PID1: variants seen among roughly 807,000 people sequenced by gnomAD.
The protein encoded by PID1 is phosphotyrosine interaction domain containing 1, also known as PTB-containing, cubilin and LRP1-interacting protein.
Under a neutral mutation model 19.1 loss-of-function variants are expected in PID1, and 10 were observed. That is an observed-to-expected ratio of 0.52 (90% CI 0.32 to 0.89). PID1 has a LOEUF of 0.89. Ranked by LOEUF, PID1 falls within the 40% of genes least tolerant of loss-of-function variation. The pLI is 0.03. For missense variants in PID1, 248 were observed against 285.3 expected (o/e 0.87, Z 0.94); for synonymous variants, 130 against 116.0 (o/e 1.12, Z -0.78).
chr2:229,206,657 C>T (rs1277136436), intron 1 of PID1, among the ~76,000 whole-genome samples: 3 of 152,164 alleles, frequency 2.0e-5, no homozygotes, highest in South Asian at 2.1e-4. Context: ...TCCACGAAAG[C>T]GACCAACTCA....
chr2:229,221,148 C>T (rs1487049589), intron 1 of PID1, among the ~76,000 whole-genome samples: 2 of 152,088 alleles, frequency 1.3e-5, no homozygotes, highest in East Asian at 3.9e-4. Flanking sequence ...AGTAGGGTGG[C>T]CAACTTGTCT....
chr2:229,255,722 T>C (rs1197203595), intron 1 of PID1, among the ~76,000 whole-genome samples: 6 of 152,146 alleles, frequency 3.9e-5, no homozygotes, highest in Non-Finnish European at 8.8e-5. Context: ...GGGATCTGCA[T>C]TTAGTTAAAA....
chr2:229,130,107 C>T (rs2106166873), intron 2 of PID1, among the ~76,000 whole-genome samples: 1 of 152,344 alleles, frequency 6.6e-6, no homozygotes, highest in Non-Finnish European at 1.5e-5. Flanking sequence ...TTTTACTGAA[C>T]AGCGTTAAAA....
chr2:229,060,699 T>G (rs1334938815), intron 2 of PID1, among the ~76,000 whole-genome samples: 1 of 152,108 alleles, frequency 6.6e-6, no homozygotes, highest in Non-Finnish European at 1.5e-5. Context: ...TCTATACAGT[T>G]TTCCATAATA....
chr2:229,271,260 T>C lies in PID1; in HGVS notation c.-217A>G, dbSNP rs1690732218. The C allele has an allele frequency of 7.2e-6, 3 of 414,694 alleles. No individual in the cohort carries two copies. Among genetic ancestry groups the C allele is most frequent in the Admixed American group, 9.4e-5 (2 of 21,360 alleles). 25.7% of individuals were successfully genotyped at this position (414,694 alleles called of 1,614,324 possible). ...CTTGTGGGCACGGCCGCGCGCCGGC[T>C]GTCCTGGCGCAGCTGCGAGAGGACT... On this transcript the variant is annotated 5_prime_UTR_variant, in exon 1 of 3. Transcript: ENST00000392055.
chr2:229,128,460 T>C (rs1048914832), intron 2 of PID1, among the ~76,000 whole-genome samples: 8 of 152,182 alleles, frequency 5.3e-5, no homozygotes, highest in African/African-American at 1.9e-4. Flanking sequence ...CAAATGGACT[T>C]ATTTATGACT....
intron 1 of PID1, among the ~76,000 whole-genome samples, 196 bp downstream of exon 1, chr2:229,270,818 G>A (rs1690715532): frequency 6.6e-6 from 1 of 152,166 alleles, no homozygotes; most frequent in African/African-American, 2.4e-5. Context: ...GAACCCGTGC[G>A]TTTATCAATT....
At chr2:229,069,143 T>TTTTTGTG (rs369977117) in intron 2 of PID1, among the ~76,000 whole-genome samples, 4 of 140,630 alleles carry the variant, frequency 2.8e-5, no homozygotes, top group African/African-American at 1.1e-4. Flanking sequence ...AGAAGGGTTT[T>TTTTTGTG]TGTGTGTGTG....
rs373204888 is a variant in PID1 at position 229,069,349 on chromosome 2, A to G, written c.178-43241T>C. 1.6e-3 allele frequency among the ~76,000 whole-genome samples: 244 copies of G among 152,186 alleles called. 13 individuals are homozygous for G. In the South Asian group the frequency reaches 0.048, roughly 30 times the overall value. On this transcript the variant is annotated intron_variant, in intron 2 of 2. Coordinates refer to ENST00000392055, the MANE Select transcript of PID1 (RefSeq NM_001100818.2). Reference sequence around the variant, plus strand: ...AGATTTGAACTTTAGACAGTAAGGGAGAGAGGCGCCAGGCACAGTGGAGGG... The same window carrying G: ...AGATTTGAACTTTAGACAGTAAGGGGGAGAGGCGCCAGGCACAGTGGAGGG...
intron 2 of PID1, among the ~76,000 whole-genome samples, chr2:229,123,198 C>T (rs1314720916): frequency 6.6e-6 from 1 of 152,216 alleles, no homozygotes; most frequent in East Asian, 1.9e-4. Context: ...CCACTCCAGC[C>T]TAAGGCAACC....
intron 2 of PID1, among the ~76,000 whole-genome samples, chr2:229,051,386 G>A (rs958953610): frequency 2.6e-5 from 4 of 152,134 alleles, no homozygotes; most frequent in Non-Finnish European, 5.9e-5. Context: ...TGCCCCGGCT[G>A]TAGTGCAGTG....
At chr2:229,232,839 A>ATG (rs1286670523) in intron 1 of PID1, among the ~76,000 whole-genome samples, 1 of 147,030 alleles carries the variant, frequency 6.8e-6, no homozygotes, top group African/African-American at 2.5e-5. Flanking sequence ...ATGCATGTGT[A>ATG]TGTGTGTGTG....
intron 1 of PID1, among the ~76,000 whole-genome samples, chr2:229,266,736 T>C (rs1259419712): frequency 3.3e-5 from 5 of 152,194 alleles, no homozygotes; most frequent in Admixed American, 1.3e-4. Flanking sequence ...CTCTCTAAAA[T>C]GCGGATAAAA....
intron 1 of PID1, among the ~76,000 whole-genome samples, chr2:229,211,803 T>C (rs1325856701): frequency 6.6e-6 from 1 of 152,254 alleles, no homozygotes; most frequent in Non-Finnish European, 1.5e-5. Context: ...AACACAGCTA[T>C]ACACATCCCT....
chr2:229,237,740 C>T (rs1316089272), intron 1 of PID1, among the ~76,000 whole-genome samples: 1 of 152,052 alleles, frequency 6.6e-6, no homozygotes, highest in South Asian at 2.1e-4. Context: ...GTCCTTTACC[C>T]GCCCCATACA....
intron 2 of PID1, among the ~76,000 whole-genome samples, chr2:229,045,280 T>G (rs1300463863): frequency 6.6e-6 from 1 of 152,166 alleles, no homozygotes; most frequent in Admixed American, 6.5e-5. Flanking sequence ...ATGTGGAGAG[T>G]TTATTTTTCT....
At chr2:229,043,069 G>A (rs1159536419) in intron 2 of PID1, among the ~76,000 whole-genome samples, 6 of 151,320 alleles carry the variant, frequency 4.0e-5, no homozygotes, top group East Asian at 1.9e-4. Flanking sequence ...GCAGTGGAGC[G>A]ATCTTGGATC....
intron 1 of PID1, among the ~76,000 whole-genome samples, chr2:229,199,351 G>C (rs1691443056): frequency 6.6e-6 from 1 of 151,748 alleles, no homozygotes; most frequent in Non-Finnish European, 1.5e-5. Context: ...ATTTTTGTTG[G>C]TATATTTATT....
intron 2 of PID1, among the ~76,000 whole-genome samples, chr2:229,142,476 G>C (rs1165342091): frequency 1.3e-5 from 2 of 152,078 alleles, no homozygotes; most frequent in Non-Finnish European, 2.9e-5. Context: ...AGAGAAGACA[G>C]TAACATATCA....
Sources: gnomAD v4.1 joint callset for allele counts (sites outside exome capture counted in the v4.1 genomes callset) on GRCh38, gnomAD v4.1.1 for gene constraint, MANE v1.5 for transcripts, NCBI Gene and HGNC (gene_info 2026-07-23, HGNC 2026-07-21) for gene names.